The following TBL1XR1 variants were observed in gnomAD, a reference collection of about 807,000 sequenced individuals.
TBL1XR1 encodes F-box-like/WD repeat-containing protein TBL1XR1.
TBL1XR1 carries 5 observed loss-of-function variants against 66.9 expected under a neutral mutation model. That is an observed-to-expected ratio of 0.07 (90% CI 0.04 to 0.16). TBL1XR1 has a LOEUF of 0.16. TBL1XR1 is among the 10% of genes least tolerant of loss of function. The pLI, the probability that TBL1XR1 is intolerant of heterozygous loss-of-function variation, is 1.00. For missense variants in TBL1XR1, 238 were observed against 623.2 expected (o/e 0.38, Z 6.58); for synonymous variants, 210 against 206.0 (o/e 1.02, Z -0.17).
At chr3:177,194,490 T>G (rs935895182) in intron 1 of TBL1XR1, among the ~76,000 whole-genome samples, 1 of 152,196 alleles carries the variant, frequency 6.6e-6, no homozygotes, top group African/African-American at 2.4e-5. Context: ...ACCCAACAAA[T>G]TATTTCAACC....
intron 2 of TBL1XR1, among the ~76,000 whole-genome samples, chr3:177,095,654 A>C (rs1456112832): frequency 6.6e-6 from 1 of 151,818 alleles, no homozygotes; most frequent in Non-Finnish European, 1.5e-5. Context: ...TAATTTTTGT[A>C]TTTTTAGTAG....
intron 1 of TBL1XR1, among the ~76,000 whole-genome samples, chr3:177,182,529 A>T (rs1734949809): frequency 6.6e-6 from 1 of 152,168 alleles, no homozygotes; most frequent in African/African-American, 2.4e-5. Flanking sequence ...GCAAACGTAT[A>T]CCTCAGTCAG....
At chr3:177,149,799 C>T (rs1022371039) in intron 1 of TBL1XR1, among the ~76,000 whole-genome samples, 3 of 152,262 alleles carry the variant, frequency 2.0e-5, no homozygotes, top group Non-Finnish European at 2.9e-5. Flanking sequence ...GGAACACAGC[C>T]GTGCTTATTC....
Position 177,098,501 on chromosome 3 carries a change from AAT to A in TBL1XR1, c.-83_-82del. On this transcript the variant is annotated 5_prime_UTR_variant, in exon 2 of 16. Coordinates refer to ENST00000457928, the MANE Select transcript of TBL1XR1 (RefSeq NM_024665.7). ...GCATTGATGTGGGGATGTGCAACTG[AAT>A]ATCCGGTCACCGCCAATCACAAGTT... 1.0e-6 allele frequency: 1 copy of A among 985,872 alleles called. No homozygotes were observed. Among genetic ancestry groups the A allele is most frequent in the South Asian group, 4.7e-5 (1 of 21,282 alleles). 61.1% of individuals were successfully genotyped at this position (985,872 alleles called of 1,614,324 possible). A position where few individuals can be genotyped will look rare whatever the true frequency, so the allele number is the denominator to read the frequency against.
intron 1 of TBL1XR1, among the ~76,000 whole-genome samples, chr3:177,190,895 G>T (rs182546158): frequency 6.6e-6 from 1 of 152,262 alleles, no homozygotes; most frequent in East Asian, 1.9e-4. Flanking sequence ...AAACATCGTA[G>T]TTGGGGCAAC....
At chr3:177,069,236 ATT>A (rs937337200) in intron 2 of TBL1XR1, among the ~76,000 whole-genome samples, 1 of 152,200 alleles carries the variant, frequency 6.6e-6, no homozygotes, top group Admixed American at 6.5e-5. Flanking sequence ...TCATAAAGCA[ATT>A]TTTAAGAAAG....
intron 3 of TBL1XR1, among the ~76,000 whole-genome samples, chr3:177,054,196 T>C (rs952444226): frequency 8.5e-5 from 13 of 152,200 alleles, no homozygotes; most frequent in African/African-American, 3.1e-4. Context: ...TAAAATGTCA[T>C]GGTACACAAC....
intron 2 of TBL1XR1, among the ~76,000 whole-genome samples, chr3:177,087,902 A>T (rs1016218932): frequency 6.6e-6 from 1 of 152,074 alleles, no homozygotes; most frequent in Non-Finnish European, 1.5e-5. Flanking sequence ...AATATAGTAC[A>T]CCCAAAGAAA....
intron 1 of TBL1XR1, among the ~76,000 whole-genome samples, chr3:177,164,196 G>A (rs1019742370): frequency 1.3e-5 from 2 of 152,126 alleles, no homozygotes; most frequent in African/African-American, 2.4e-5. Context: ...TTGTGGCTTG[G>A]TTAGGACTCC....
At chr3:177,039,896 G>A (rs1382865078) in intron 10 of TBL1XR1, among the ~76,000 whole-genome samples, 3 of 152,190 alleles carry the variant, frequency 2.0e-5, no homozygotes, top group Non-Finnish European at 4.4e-5. Context: ...ACCTATGGCT[G>A]CTTTTTCACT....
chr3:177,089,675 C>A (rs1395626604), intron 2 of TBL1XR1, among the ~76,000 whole-genome samples: 1 of 152,112 alleles, frequency 6.6e-6, no homozygotes, highest in Non-Finnish European at 1.5e-5. Context: ...TGGAAGAGTC[C>A]TGTTGTTAAA....
In TBL1XR1 at chr3:177,071,031, G is replaced by GTTTTT. The variant is rs764951521; in HGVS notation, c.-45-6014_-45-6010dup. On this transcript the variant is annotated intron_variant, in intron 2 of 15. Coordinates refer to ENST00000457928, the MANE Select transcript of TBL1XR1 (RefSeq NM_024665.7). ...TGGAACAGACATGTTCTGAGAATCTGTTTTTTTTTTTTTTTTTGAGACAGA... is the reference window on the plus strand; with the variant it reads ...TGGAACAGACATGTTCTGAGAATCTGTTTTTTTTTTTTTTTTTTTTTTGAGACAGA... 3.7e-4 allele frequency among the ~76,000 whole-genome samples: 39 copies of GTTTTT among 104,682 alleles called. 1 individual carries two copies. The highest frequency in any genetic ancestry group is 1.3e-3 in the African/African-American group (34 of 25,846). The allele number at this position is 104,682 out of a possible 152,430, so 68.7% of individuals were successfully genotyped here.
intron 2 of TBL1XR1, among the ~76,000 whole-genome samples, chr3:177,088,846 G>A (rs908099042): frequency 3.3e-5 from 5 of 152,010 alleles, no homozygotes; most frequent in Non-Finnish European, 7.4e-5. Context: ...AATATCATGC[G>A]ACAATGTCCT....
At chr3:177,113,473 C>G (rs766347392) in intron 1 of TBL1XR1, among the ~76,000 whole-genome samples, 19 of 151,986 alleles carry the variant, frequency 1.3e-4, no homozygotes, top group Non-Finnish European at 2.6e-4. Flanking sequence ...ATGTATCTGA[C>G]AAATAATATC....
rs1489275966 is a variant in TBL1XR1, at chr3:177,019,903, T to C, written c.*5595A>G. ...AGCAACTGCAGTGGCTTATTTCTAA[T>C]AAAACATAAAACTATGCTTGAATTT... On this transcript the variant is annotated 3_prime_UTR_variant, in exon 16 of 16. Transcript: ENST00000457928. The C allele has an allele frequency of 6.8e-6, 1 of 147,620 alleles. No homozygotes were observed. The highest frequency in any genetic ancestry group is 2.0e-4 in the East Asian group (1 of 5,032). The allele number at this position is 147,620 out of a possible 1,614,324, so 9.1% of individuals were successfully genotyped here.
At chr3:177,113,979 C>T (rs1479468087) in intron 1 of TBL1XR1, among the ~76,000 whole-genome samples, 1 of 152,058 alleles carries the variant, frequency 6.6e-6, no homozygotes. Flanking sequence ...ACCATATGAT[C>T]CAGCAATCCC....
At chr3:177,164,101 CACACGCAT>C (rs1376448234) in intron 1 of TBL1XR1, 4 of 152,210 alleles carry the variant, frequency 2.6e-5, no homozygotes, top group African/African-American at 9.7e-5. Context: ...ACCAACCGTG[CACACGCAT>C]ACGCTCAGCA....
At chr3:177,036,595 A>T (rs1224603015) in intron 12 of TBL1XR1, among the ~76,000 whole-genome samples, 2 of 152,190 alleles carry the variant, frequency 1.3e-5, no homozygotes, top group African/African-American at 4.8e-5. Context: ...CAGTTCCAGA[A>T]GAAGTTTTTT....
chr3:177,078,350 G>C (rs550430147), intron 2 of TBL1XR1, among the ~76,000 whole-genome samples: 1 of 151,962 alleles, frequency 6.6e-6, no homozygotes, highest in Non-Finnish European at 1.5e-5. Flanking sequence ...CCATCACTTT[G>C]GGGGGCAGAG....
Sources: gnomAD v4.1 joint callset for allele counts (sites outside exome capture counted in the v4.1 genomes callset) on GRCh38, gnomAD v4.1.1 for gene constraint, MANE v1.5 for transcripts, NCBI Gene and HGNC (gene_info 2026-07-23, HGNC 2026-07-21) for gene names.